ST3GAL2: variants seen among roughly 807,000 people sequenced by gnomAD.
ST3GAL2 encodes ST3 beta-galactoside alpha-2,3-sialyltransferase 2.
A neutral mutation model predicts 37.5 loss-of-function variants in ST3GAL2; 16 were observed. That is an observed-to-expected ratio of 0.43 (90% CI 0.29 to 0.65). The LOEUF is 0.65. Ranked by LOEUF, ST3GAL2 falls within the 30% of genes least tolerant of loss-of-function variation. The pLI, the probability that ST3GAL2 is intolerant of heterozygous loss-of-function variation, is 0.17. For synonymous variants in ST3GAL2, 238 were observed against 202.9 expected (o/e 1.17, Z -1.47); for missense variants, 383 against 487.8 (o/e 0.79, Z 2.02).
At chr16:70,400,265 A>G (rs916296248) in intron 1 of ST3GAL2, 2 of 152,360 alleles carry the variant, frequency 1.3e-5, no homozygotes, top group Non-Finnish European at 2.9e-5. Flanking sequence ...GGCCACTTGT[A>G]GGCAGTTTGG....
intron 5 of ST3GAL2, 118 bp from the exon 6 acceptor site, chr16:70,383,042 T>C: frequency 6.3e-7 from 1 of 1,584,812 alleles, no homozygotes; most frequent in Non-Finnish European, 8.6e-7. Flanking sequence ...GTCTCCTGAA[T>C]CGTGTGGCAC....
intron 1 of ST3GAL2, among the ~76,000 whole-genome samples, chr16:70,411,316 T>A (rs1027851656): frequency 1.3e-5 from 2 of 151,480 alleles, no homozygotes; most frequent in African/African-American, 4.9e-5. Flanking sequence ...ACCCACGAGG[T>A]GGAAGTTGAA....
Position 70,429,588 on chromosome 16 carries a change from C to CAAAA in ST3GAL2, c.-1004+9357_-1004+9360dup, listed in dbSNP as rs1173306093. 3.6e-3 allele frequency among the ~76,000 whole-genome samples: 130 copies of CAAAA among 36,048 alleles called. 2 individuals carry two copies. Among genetic ancestry groups the CAAAA allele is most frequent in the African/African-American group, 0.011 (118 of 10,398 alleles). 23.6% of individuals were successfully genotyped at this position (36,048 alleles called of 152,430 possible). On this transcript the variant is annotated intron_variant, in intron 1 of 6. Transcript: ENST00000342907. ...TGGGCAACAGAGCAAGACTCTGTCT[C>CAAAA]AAAAAAAAAAAAAAAAAAAAGAGTG...
At chr16:70,437,680 G>A (rs1211045269) in intron 1 of ST3GAL2, among the ~76,000 whole-genome samples, 1 of 152,138 alleles carries the variant, frequency 6.6e-6, no homozygotes, top group Non-Finnish European at 1.5e-5. Context: ...GCAGCCAGCA[G>A]GCATCCCTCC....
rs746770139 is a variant in ST3GAL2, at chr16:70,398,566, T to C, written c.-36A>G. On this transcript the variant is annotated 5_prime_UTR_variant, in exon 2 of 7. Coordinates refer to ENST00000342907, the MANE Select transcript of ST3GAL2 (RefSeq NM_006927.4). The stretch of plus-strand genomic sequence containing the variant: ...GGCGGGTGACGGTCACCGTGGCCAC[T>C]CTTTTCCCAGCCCGCTGAGGGGCCA... The C allele has an allele frequency of 6.5e-7, 1 of 1,538,028 alleles. No homozygotes were observed. The highest frequency in any genetic ancestry group is 8.7e-7 in the Non-Finnish European group (1 of 1,143,936).
intron 1 of ST3GAL2, among the ~76,000 whole-genome samples, chr16:70,422,375 GGT>G (rs1282090381): frequency 1.3e-5 from 2 of 152,198 alleles, no homozygotes; most frequent in Non-Finnish European, 2.9e-5. Context: ...AAAGGGAACA[GGT>G]GTGTGTGACA....
At chr16:70,384,842 G>A (rs1403877858) in intron 4 of ST3GAL2, among the ~76,000 whole-genome samples, 1 of 147,014 alleles carries the variant, frequency 6.8e-6, no homozygotes, top group Non-Finnish European at 1.5e-5. Context: ...CTGGCCATCT[G>A]TACTAAAAAT....
At chr16:70,426,904 G>A (rs2047755774) in intron 1 of ST3GAL2, among the ~76,000 whole-genome samples, 1 of 152,080 alleles carries the variant, frequency 6.6e-6, no homozygotes, top group Non-Finnish European at 1.5e-5. Context: ...CTGGAGTGCA[G>A]TGGCGCAAAA....
chr16:70,395,403 T>C (rs141028326), intron 2 of ST3GAL2, among the ~76,000 whole-genome samples: 5 of 152,252 alleles, frequency 3.3e-5, no homozygotes, highest in East Asian at 1.9e-4. Flanking sequence ...TGTCCAGAGA[T>C]TGGGTGCCCT....
chr16:70,397,388 A>C (rs932684193), intron 2 of ST3GAL2, among the ~76,000 whole-genome samples: 6 of 151,480 alleles, frequency 4.0e-5, no homozygotes, highest in South Asian at 2.1e-4. Context: ...GTCTTCTAGC[A>C]GTTGTAAAGA....
chr16:70,417,197 C>G (rs193245627), intron 1 of ST3GAL2, among the ~76,000 whole-genome samples: 225 of 152,290 alleles, frequency 1.5e-3, no homozygotes, highest in African/African-American at 4.6e-3. Context: ...ATGGGTTGGG[C>G]AGATTGAGGG....
chr16:70,408,119 G>A (rs910015081), intron 1 of ST3GAL2, among the ~76,000 whole-genome samples: 1 of 152,038 alleles, frequency 6.6e-6, no homozygotes, highest in South Asian at 2.1e-4. Context: ...GAGCATTTTC[G>A]GGGGATAGCC....
intron 1 of ST3GAL2, among the ~76,000 whole-genome samples, chr16:70,402,483 C>T (rs1317073663): frequency 2.0e-5 from 3 of 151,918 alleles, no homozygotes; most frequent in Admixed American, 6.6e-5. Context: ...CAAAGCTAAG[C>T]AAGACATTTT....
chr16:70,437,470 G>A (rs1235590316), intron 1 of ST3GAL2, among the ~76,000 whole-genome samples: 1 of 151,804 alleles, frequency 6.6e-6, no homozygotes, highest in Non-Finnish European at 1.5e-5. Context: ...CTGGGGATTG[G>A]GGTAGAATGG....
chr16:70,387,742 G>A (rs1263566935), intron 4 of ST3GAL2, among the ~76,000 whole-genome samples: 3 of 152,050 alleles, frequency 2.0e-5, no homozygotes, highest in Non-Finnish European at 2.9e-5. Context: ...CGGCTATGAT[G>A]GGACAACTAC....
chr16:70,395,240 C>T (rs972053323), intron 2 of ST3GAL2, 65 bp from the exon 3 acceptor site: 10 of 1,458,266 alleles, frequency 6.9e-6, no homozygotes, highest in Admixed American at 2.1e-5. Flanking sequence ...GGAGGGGCCC[C>T]GGCCTCCCCT....
chr16:70,397,005 AAT>A (rs1238221483), intron 2 of ST3GAL2, among the ~76,000 whole-genome samples: 1 of 151,166 alleles, frequency 6.6e-6, no homozygotes, highest in African/African-American at 2.4e-5. Context: ...TATTTCATAA[AAT>A]AGATTAAGTA....
rs2047537469 is a variant in ST3GAL2 at position 70,399,035 on chromosome 16, AG to A, written c.-506del. On this transcript the variant is annotated 5_prime_UTR_variant, in exon 2 of 7. The change creates a premature stop within an existing upstream ORF in the 5' untranslated region. Transcript: ENST00000342907. ...TCACAACAGAGAGCACAGGGGCTTC[AG>A]GGGACTTGGGTTCCATGCAAGTGTT... 2.5e-6 allele frequency: 1 copy of A among 403,856 alleles called. No individual in the cohort carries two copies. Among genetic ancestry groups the A allele is most frequent in the African/African-American group, 2.0e-5 (1 of 48,802 alleles). 25.0% of individuals were successfully genotyped at this position (403,856 alleles called of 1,614,324 possible).
chr16:70,397,996 T>A (rs1401614104), intron 2 of ST3GAL2, among the ~76,000 whole-genome samples, 196 bp downstream of exon 2: 1 of 152,178 alleles, frequency 6.6e-6, no homozygotes, highest in Non-Finnish European at 1.5e-5. Context: ...TATGCTCGGG[T>A]CCTACAGGCA....
Sources: gnomAD v4.1 joint callset for allele counts (sites outside exome capture counted in the v4.1 genomes callset) on GRCh38, gnomAD v4.1.1 for gene constraint, MANE v1.5 for transcripts, NCBI Gene and HGNC (gene_info 2026-07-23, HGNC 2026-07-21) for gene names.